Variants in VAV3 observed in about 807,000 individuals in gnomAD.
VAV3 encodes the protein vav guanine nucleotide exchange factor 3, also known as guanine nucleotide exchange factor VAV3.
A neutral mutation model predicts 131.2 loss-of-function variants in VAV3; 94 were observed. That is an observed-to-expected ratio of 0.72 (90% CI 0.61 to 0.85). VAV3 has a LOEUF of 0.85. VAV3 is among the 40% of genes least tolerant of loss of function. VAV3 has a pLI of 0.00. For missense variants in VAV3, 939 were observed against 1,002.7 expected (o/e 0.94, Z 0.86); for synonymous variants, 349 against 342.0 (o/e 1.02, Z -0.22).
intron 12 of VAV3, among the ~76,000 whole-genome samples, chr1:107,754,558 GTCAA>G (rs1193909026): frequency 6.6e-6 from 1 of 152,162 alleles, no homozygotes; most frequent in African/African-American, 2.4e-5. Flanking sequence ...TTCTTGAAAT[GTCAA>G]TCAGTCTGTT....
chr1:107,937,304 T>C (rs1033949196), intron 1 of VAV3, among the ~76,000 whole-genome samples: 4 of 152,224 alleles, frequency 2.6e-5, no homozygotes, highest in Admixed American at 6.5e-5. Flanking sequence ...GTCCCTTCCA[T>C]GCTGACTGTG....
chr1:107,898,434 C>A (rs1373771568), intron 1 of VAV3, among the ~76,000 whole-genome samples: 1 of 152,052 alleles, frequency 6.6e-6, no homozygotes, highest in Non-Finnish European at 1.5e-5. Flanking sequence ...AAGTTTCCAC[C>A]ACAGCCAGTG....
At chr1:107,651,383 A>T (rs1229653789) in intron 19 of VAV3, among the ~76,000 whole-genome samples, 1 of 152,166 alleles carries the variant, frequency 6.6e-6, no homozygotes, top group East Asian at 1.9e-4. Flanking sequence ...TATTTAGTAT[A>T]AAGTGTAGGT....
At chr1:107,766,421 C>A (rs1213252084) in intron 8 of VAV3, 26 bp downstream of exon 8, 2 of 1,511,186 alleles carry the variant, frequency 1.3e-6, no homozygotes, top group South Asian at 1.1e-5. Flanking sequence ...AGCTAAGACC[C>A]ACAAAACTTA....
intron 19 of VAV3, among the ~76,000 whole-genome samples, chr1:107,662,108 G>A (rs1027710608): frequency 6.6e-6 from 1 of 152,106 alleles, no homozygotes; most frequent in Non-Finnish European, 1.5e-5. Flanking sequence ...CTAGAGCACT[G>A]TATTTAAAGA....
intron 19 of VAV3, among the ~76,000 whole-genome samples, chr1:107,664,972 T>C (rs1450836751): frequency 6.6e-6 from 1 of 152,218 alleles, no homozygotes; most frequent in Non-Finnish European, 1.5e-5. Context: ...TCTCTGCTAT[T>C]GCAGGAGTAG....
intron 11 of VAV3, 142 bp from the exon 12 acceptor site, chr1:107,755,655 A>G (rs1664061142): frequency 3.3e-6 from 2 of 613,758 alleles, no homozygotes; most frequent in East Asian, 5.6e-5. Flanking sequence ...ATGAATGCCC[A>G]GTCAATCAAA....
intron 15 of VAV3, among the ~76,000 whole-genome samples, chr1:107,711,004 TAA>T (rs886494948): frequency 2.6e-5 from 4 of 152,052 alleles, no homozygotes; most frequent in African/African-American, 9.7e-5. Context: ...ATATTGAAAA[TAA>T]AAGTTTTTGA....
At chr1:107,814,734 T>C (rs888959573) in intron 2 of VAV3, among the ~76,000 whole-genome samples, 2 of 152,140 alleles carry the variant, frequency 1.3e-5, no homozygotes, top group African/African-American at 4.8e-5. Context: ...CCCTAAACCA[T>C]AATAATTTTG....
chr1:107,633,091 G>A (rs1393806087), intron 20 of VAV3, among the ~76,000 whole-genome samples: 1 of 152,132 alleles, frequency 6.6e-6, no homozygotes, highest in Non-Finnish European at 1.5e-5. Flanking sequence ...TTAACATTAT[G>A]TGGCTGTGAG....
chr1:107,826,534 T>A (rs1390431510), intron 2 of VAV3, among the ~76,000 whole-genome samples: 7 of 152,106 alleles, frequency 4.6e-5, no homozygotes, highest in Non-Finnish European at 7.4e-5. Flanking sequence ...AAAATGAAAA[T>A]TGCCACAAAA....
At chr1:107,738,769 T>C (rs1438911577) in intron 15 of VAV3, among the ~76,000 whole-genome samples, 1 of 152,146 alleles carries the variant, frequency 6.6e-6, no homozygotes, top group Non-Finnish European at 1.5e-5. Context: ...TATCATAGAA[T>C]TCACTGCAGT....
At chr1:107,762,359 C>T (rs575348556) in intron 9 of VAV3, among the ~76,000 whole-genome samples, 5 of 152,252 alleles carry the variant, frequency 3.3e-5, no homozygotes, top group Admixed American at 3.3e-4. Context: ...CTCTAATGAT[C>T]CGTGACTTAA....
chr1:107,814,283 T>C (rs1352380085), intron 2 of VAV3, among the ~76,000 whole-genome samples: 1 of 152,178 alleles, frequency 6.6e-6, no homozygotes. Flanking sequence ...GTATAAGAGT[T>C]CCTGTTCTCC....
chr1:107,771,708 A>G (rs1665058679), intron 5 of VAV3, among the ~76,000 whole-genome samples: 1 of 152,238 alleles, frequency 6.6e-6, no homozygotes, highest in Non-Finnish European at 1.5e-5. Context: ...GCGCAAGAAG[A>G]GTCCTACCCA....
At chr1:107,691,223 C>T (rs1455774805) in intron 17 of VAV3, among the ~76,000 whole-genome samples, 1 of 152,148 alleles carries the variant, frequency 6.6e-6, no homozygotes, top group Non-Finnish European at 1.5e-5. Context: ...AACCCAACTG[C>T]AACACTGAAA....
In VAV3 at chr1:107,825,738, C is replaced by T. The variant is rs558534764; in HGVS notation, c.322-46246G>A. On this transcript the variant is annotated intron_variant, in intron 2 of 26. Coordinates refer to ENST00000370056, the MANE Select transcript of VAV3 (RefSeq NM_006113.5). ...AATATCTGCCTATCCAAATCTGTCA[C>T]CTTTCAAAGCTCAGCTTAAAAGTCA... 7.2e-5 allele frequency among the ~76,000 whole-genome samples: 11 copies of T among 152,302 alleles called. No homozygotes were observed. The East Asian group carries it at 2.1e-3, about 29-fold the overall frequency.
At chr1:107,895,545 T>C (rs1018963532) in intron 1 of VAV3, among the ~76,000 whole-genome samples, 2 of 152,056 alleles carry the variant, frequency 1.3e-5, no homozygotes, top group African/African-American at 4.8e-5. Flanking sequence ...ATACAGCCAA[T>C]AGTTAGAGGA....
At chr1:107,580,823 A>C (rs905120909) in intron 25 of VAV3, among the ~76,000 whole-genome samples, 3 of 152,194 alleles carry the variant, frequency 2.0e-5, no homozygotes, top group Non-Finnish European at 2.9e-5. Flanking sequence ...GAATGATTTA[A>C]CCTGTAAAAT....
Sources: gnomAD v4.1 joint callset for allele counts (sites outside exome capture counted in the v4.1 genomes callset) on GRCh38, gnomAD v4.1.1 for gene constraint, MANE v1.5 for transcripts, NCBI Gene and HGNC (gene_info 2026-07-23, HGNC 2026-07-21) for gene names.